RNF135: variants seen among roughly 807,000 people sequenced by gnomAD.
RNF135 encodes the protein ring finger protein 135.
A neutral mutation model predicts 41.9 loss-of-function variants in RNF135; 46 were observed. The observed-to-expected ratio is 1.10, with a 90% CI of 0.87 to 1.40. The LOEUF (loss-of-function observed/expected upper bound fraction) is 1.40, where lower values mean the gene tolerates loss of function less well. Among genes scored for constraint, RNF135 ranks in the 40% most tolerant of loss-of-function variants. RNF135 has a pLI of 0.00. For synonymous variants in RNF135, 238 were observed against 223.8 expected (o/e 1.06, Z -0.57); for missense variants, 539 against 549.8 (o/e 0.98, Z 0.20).
chr17:30,983,353 A>ATATATATAT (rs1420453160), intron 1 of RNF135, among the ~76,000 whole-genome samples: 28 of 35,730 alleles, frequency 7.8e-4, no homozygotes, highest in South Asian at 1.3e-3. Flanking sequence ...ATATATATAT[A>ATATATATAT]TTTTTTTTTT....
In RNF135 at chr17:30,999,044, G is replaced by A; in HGVS notation, c.1152G>A (p.Glu384=). 1 of 1,614,164 alleles carries A rather than the reference G, an allele frequency of 6.2e-7. No individual in the cohort carries two copies. Among genetic ancestry groups the A allele is most frequent in the Non-Finnish European group, 8.5e-7 (1 of 1,180,034 alleles). Residue 384 remains glutamate, a synonymous_variant, in exon 5 of 5, where the codon GAG becomes GAA. Transcript: ENST00000328381. ...TGGGCATCTGGCTGAACCTTGAGGA[G>A]GGAAAGCTTGCCTTCTATTCAGTGG... The part of the protein sequence containing the change: ...GVVGIWLNLE[E]GKLAFYSVDN...
intron 1 of RNF135, chr17:30,972,243 C>T (rs1020848049): frequency 2.6e-5 from 4 of 151,306 alleles, no homozygotes; most frequent in African/African-American, 9.7e-5. Flanking sequence ...ACTACAGGCG[C>T]CCGCCACCAC....
the RNF135 span, among the ~76,000 whole-genome samples, chr17:30,962,827 G>C: frequency 2.6e-5 from 4 of 152,160 alleles, no homozygotes; most frequent in East Asian, 5.8e-4. Flanking sequence ...CATTTGGTTA[G>C]ATATATGCTT....
At chr17:30,983,317 G>GTGTATATATA (rs1907294500) in intron 1 of RNF135, among the ~76,000 whole-genome samples, 1 of 24,844 alleles carries the variant, frequency 4.0e-5, no homozygotes, top group Non-Finnish European at 1.0e-4. Flanking sequence ...TTACATATAT[G>GTGTATATATA]TACATATATA....
the RNF135 span, among the ~76,000 whole-genome samples, chr17:30,962,590 C>G: frequency 6.6e-6 from 1 of 151,960 alleles, no homozygotes. Context: ...CTCAGCCTCC[C>G]GAGTAGCTGG....
intron 1 of RNF135, among the ~76,000 whole-genome samples, chr17:30,980,005 C>T (rs1906931715): frequency 8.1e-6 from 1 of 123,484 alleles, no homozygotes; most frequent in African/African-American, 3.4e-5. Context: ...CCACCTCCCT[C>T]CCGGACGGGG....
At chr17:30,973,572 A>G (rs1389937286) in intron 1 of RNF135, among the ~76,000 whole-genome samples, 6 of 151,810 alleles carry the variant, frequency 4.0e-5, no homozygotes, top group African/African-American at 1.5e-4. Context: ...GGTTCAAGCA[A>G]TTCTCCTGCC....
intron 1 of RNF135, chr17:30,975,408 C>CTA: frequency 3.9e-6 from 3 of 767,436 alleles, no homozygotes; most frequent in Non-Finnish European, 4.8e-6. Flanking sequence ...GAGGATCTTC[C>CTA]TAAAGGCAAG....
chr17:30,998,554 G>A (rs1908522105), intron 4 of RNF135, 108 bp from the exon 5 acceptor site: 2 of 1,098,162 alleles, frequency 1.8e-6, no homozygotes, highest in East Asian at 2.3e-5. Flanking sequence ...GCTAGTGTGA[G>A]TGAAACATCA....
At chr17:30,996,797 G>C (rs1908379039) in intron 3 of RNF135, among the ~76,000 whole-genome samples, 1 of 152,190 alleles carries the variant, frequency 6.6e-6, no homozygotes, top group Non-Finnish European at 1.5e-5. Context: ...CAATGGTGAT[G>C]AATCTCACCC....
At position 30,980,008 on chromosome 17, in the gene RNF135, G is replaced by T. The variant is rs1447016803; in HGVS notation, c.373-4609G>T. On this transcript the variant is annotated intron_variant, in intron 1 of 4. Coordinates refer to ENST00000328381, the MANE Select transcript of RNF135 (RefSeq NM_032322.4). ...GGGCTGATCCTCCCACCTCCCTCCCGGACGGGGCGGCTGGCCGGGCGGGGG... is the reference window on the plus strand; with the variant it reads ...GGGCTGATCCTCCCACCTCCCTCCCTGACGGGGCGGCTGGCCGGGCGGGGG... Among the ~76,000 whole-genome samples the T allele has an allele frequency of 2.5e-5, 3 of 120,446 alleles. No homozygotes were observed. The East Asian group carries it at 7.9e-4, about 32-fold the overall frequency. The allele number at this position is 120,446 out of a possible 152,430, so 79.0% of individuals were successfully genotyped here.
upstream of RNF135, among the ~76,000 whole-genome samples, chr17:30,967,520 C>A (rs1905598447): frequency 6.6e-6 from 1 of 151,942 alleles, no homozygotes; most frequent in African/African-American, 2.4e-5. Flanking sequence ...TTACCAAGAG[C>A]CTTTTTGTCA....
the RNF135 span, among the ~76,000 whole-genome samples, chr17:30,964,275 G>C: frequency 5.2e-3 from 793 of 151,692 alleles, 12 homozygotes; most frequent in African/African-American, 0.018. Context: ...TGTAATCCCA[G>C]CTACTTGGGA....
chr17:30,974,525 T>G (rs535048686), intron 1 of RNF135, among the ~76,000 whole-genome samples: 1 of 152,096 alleles, frequency 6.6e-6, no homozygotes, highest in East Asian at 1.9e-4. Flanking sequence ...ATATTAAGTC[T>G]TCTTTCCCTA....
chr17:30,969,343 A>G (rs979835184), upstream of RNF135: 4 of 152,276 alleles, frequency 2.6e-5, no homozygotes, highest in Admixed American at 2.0e-4. Context: ...CAGGTAATAC[A>G]TCAGTCAGGA....
the RNF135 span, chr17:30,959,228 A>G: frequency 6.6e-6 from 1 of 152,230 alleles, no homozygotes; most frequent in Non-Finnish European, 1.5e-5. Context: ...AACGAGAAGT[A>G]TAGATAGGCA....
At chr17:30,974,921 G>T (rs990636429) in intron 1 of RNF135, among the ~76,000 whole-genome samples, 5 of 151,918 alleles carry the variant, frequency 3.3e-5, no homozygotes, top group Non-Finnish European at 7.4e-5. Flanking sequence ...CAGGTGATCT[G>T]CCTGCCTCGG....
intron 3 of RNF135, 121 bp downstream of exon 3, chr17:30,988,227 G>C: frequency 1.0e-6 from 1 of 978,744 alleles, no homozygotes; most frequent in Non-Finnish European, 1.6e-6. Context: ...TACCACTGTG[G>C]TGTCGTGAAT....
intron 3 of RNF135, among the ~76,000 whole-genome samples, chr17:30,992,914 GGT>G (rs1908084106): frequency 6.6e-6 from 1 of 151,758 alleles, no homozygotes; most frequent in South Asian, 2.1e-4. Context: ...AATTTTCTCA[GGT>G]ATATGTGTGT....
Sources: gnomAD v4.1 joint callset for allele counts (sites outside exome capture counted in the v4.1 genomes callset) on GRCh38, gnomAD v4.1.1 for gene constraint, MANE v1.5 for transcripts, NCBI Gene and HGNC (gene_info 2026-07-23, HGNC 2026-07-21) for gene names.